Variants in STAG1 observed in about 807,000 individuals in gnomAD.
STAG1 encodes the protein STAG1 cohesin complex component, also known as cohesin subunit SA-1.
In STAG1, 26 loss-of-function variants were observed where a neutral mutation model predicts 170.9. The observed-to-expected ratio is 0.15, with a 90% CI of 0.11 to 0.21. The LOEUF (loss-of-function observed/expected upper bound fraction) is 0.21. Ranked by LOEUF, STAG1 falls within the 10% of genes least tolerant of loss-of-function variation. The probability of loss-of-function intolerance (pLI) is 1.00; values close to 1 mark genes in which losing one functional copy is unlikely to be tolerated. For synonymous variants in STAG1, 514 were observed against 497.7 expected (o/e 1.03, Z -0.44); for missense variants, 964 against 1,509.5 (o/e 0.64, Z 5.99).
chr3:136,473,712 A>G (rs1231637149), intron 10 of STAG1, 75 bp from the exon 11 acceptor site: 6 of 1,077,752 alleles, frequency 5.6e-6, no homozygotes, highest in African/African-American at 1.6e-5. Flanking sequence ...TATGAAGACT[A>G]AAATTTAGCT....
At chr3:136,475,538 G>C (rs1466267436) in intron 10 of STAG1, among the ~76,000 whole-genome samples, 7 of 152,078 alleles carry the variant, frequency 4.6e-5, no homozygotes, top group Non-Finnish European at 5.9e-5. Context: ...TGATCTATGA[G>C]AGCTGGAACC....
At chr3:136,364,744 A>G (rs1224039426) in intron 25 of STAG1, among the ~76,000 whole-genome samples, 1 of 152,248 alleles carries the variant, frequency 6.6e-6, no homozygotes, top group East Asian at 1.9e-4. Context: ...GGTTTCATTT[A>G]AAACCATTAA....
In STAG1 at chr3:136,452,121, G is replaced by T; in HGVS notation, c.1340C>A (p.Ala447Glu). Residue 447 changes from alanine to glutamate, a missense_variant, in exon 14 of 34, where the codon GCA (alanine) becomes GAA (glutamate). Ala to Glu is a moderately radical substitution (Grantham distance 107). Transcript: ENST00000383202. ...CCTCCTCTTTGCTAATGCTTCTTCT[G>T]CTTGTGGGTCATGTCTGCTAAATAG... ...KKLFSRHDPQ[A>E]EEALAKRRGR... is the part of the protein sequence containing the mutation. 6.2e-7 allele frequency: 1 copy of T among 1,613,034 alleles called. No individual in the cohort carries two copies. The highest frequency in any genetic ancestry group is 8.5e-7 in the Non-Finnish European group (1 of 1,179,672).
intron 4 of STAG1, among the ~76,000 whole-genome samples, chr3:136,593,976 A>G (rs918772426): frequency 8.5e-5 from 13 of 152,314 alleles, no homozygotes; most frequent in Middle Eastern, 6.8e-3. Flanking sequence ...TCTCAGTATC[A>G]TTTGTTTATA....
intron 1 of STAG1, among the ~76,000 whole-genome samples, chr3:136,728,139 C>G (rs146864172): frequency 2.0e-5 from 3 of 151,504 alleles, no homozygotes; most frequent in Non-Finnish European, 4.4e-5. Context: ...GCCTGGGCAA[C>G]AAGTGCGAAA....
chr3:136,400,747 G>A (rs370955053), intron 21 of STAG1, among the ~76,000 whole-genome samples: 55 of 151,942 alleles, frequency 3.6e-4, no homozygotes, highest in Middle Eastern at 3.4e-3. Flanking sequence ...TGTTGGCCAC[G>A]CTGGTCTTGA....
At chr3:136,727,347 G>A (rs1933745344) in intron 1 of STAG1, among the ~76,000 whole-genome samples, 1 of 152,068 alleles carries the variant, frequency 6.6e-6, no homozygotes, top group Non-Finnish European at 1.5e-5. Flanking sequence ...GGAGAGAGAA[G>A]AAAAAGAGCC....
At chr3:136,431,092 T>G (rs757547721) in intron 16 of STAG1, among the ~76,000 whole-genome samples, 10 of 151,776 alleles carry the variant, frequency 6.6e-5, no homozygotes, top group Non-Finnish European at 1.2e-4. Flanking sequence ...TTAGTAGAGA[T>G]GGGGTTTCGC....
chr3:136,413,769 T>C (rs1367939713), intron 21 of STAG1, among the ~76,000 whole-genome samples: 1 of 152,146 alleles, frequency 6.6e-6, no homozygotes, highest in Non-Finnish European at 1.5e-5. Flanking sequence ...GTCTTCCACA[T>C]ATTCTAAAAC....
intron 4 of STAG1, among the ~76,000 whole-genome samples, chr3:136,597,447 C>G (rs1324792929): frequency 6.6e-6 from 1 of 152,134 alleles, no homozygotes. Flanking sequence ...GTTCTACAAC[C>G]TTACTGACTA....
chr3:136,520,278 A>C (rs913934253), intron 7 of STAG1, among the ~76,000 whole-genome samples: 1 of 152,158 alleles, frequency 6.6e-6, no homozygotes, highest in African/African-American at 2.4e-5. Context: ...GTGTGTGCTA[A>C]AGTCTGAGGA....
At chr3:136,684,869 A>G (rs1942459720) in intron 1 of STAG1, among the ~76,000 whole-genome samples, 2 of 152,174 alleles carry the variant, frequency 1.3e-5, no homozygotes, top group African/African-American at 4.8e-5. Flanking sequence ...CTTCACAAAA[A>G]ATAACATTAA....
At chr3:136,701,075 T>G (rs1361233084) in intron 1 of STAG1, among the ~76,000 whole-genome samples, 1 of 151,456 alleles carries the variant, frequency 6.6e-6, no homozygotes, top group Admixed American at 6.6e-5. Flanking sequence ...AGAGACAGGA[T>G]TTCACCACGT....
chr3:136,530,392 T>C (rs1051486565), intron 6 of STAG1, among the ~76,000 whole-genome samples: 32 of 152,168 alleles, frequency 2.1e-4, no homozygotes, highest in South Asian at 6.2e-4. Context: ...GGACATTTTA[T>C]CCAACAACTG....
rs114858975 is a variant in STAG1 at position 136,517,878 on chromosome 3, T to G, written c.676+3335A>C. On this transcript the variant is annotated intron_variant, in intron 7 of 33. Coordinates refer to ENST00000383202, the MANE Select transcript of STAG1 (RefSeq NM_005862.3). ...AAAATGGGCCAAATAACTAGGACAG[T>G]ATGTTTGAAAATTCCAACGAAGGGA... Among the ~76,000 whole-genome samples the G allele has an allele frequency of 3.9e-3, 597 of 152,194 alleles. 2 individuals are homozygous for G. Among genetic ancestry groups the G allele is most frequent in the Middle Eastern group, 0.031 (9 of 294 alleles).
At chr3:136,736,930 T>A (rs561924764) in intron 1 of STAG1, 3 of 1,591,920 alleles carry the variant, frequency 1.9e-6, no homozygotes, top group East Asian at 4.5e-5. Context: ...TAGCAACTTG[T>A]AAGCTTTGTC....
At chr3:136,361,251 C>CTA (rs1936852924) in intron 26 of STAG1, among the ~76,000 whole-genome samples, 1 of 152,138 alleles carries the variant, frequency 6.6e-6, no homozygotes, top group Admixed American at 6.5e-5. Context: ...CTGAAACTTG[C>CTA]TATTTTTCAC....
intron 1 of STAG1, among the ~76,000 whole-genome samples, chr3:136,650,922 A>T (rs201382101): frequency 9.1e-5 from 2 of 21,940 alleles, no homozygotes; most frequent in East Asian, 3.1e-4. Flanking sequence ...TGGTAGAATT[A>T]AAAAAAAAAA....
chr3:136,553,500 G>C (rs1269666341), intron 5 of STAG1, among the ~76,000 whole-genome samples: 2 of 152,244 alleles, frequency 1.3e-5, no homozygotes, highest in South Asian at 4.1e-4. Context: ...TTTGGGCCGG[G>C]TGTGGTGGCT....
Sources: allele counts gnomAD v4.1 joint callset (sites outside exome capture counted in the v4.1 genomes callset), GRCh38; gene constraint gnomAD v4.1.1; transcripts MANE v1.5; gene names NCBI Gene and HGNC (gene_info 2026-07-23, HGNC 2026-07-21).